LRRN4: variants seen among roughly 807,000 people sequenced by gnomAD.
LRRN4 encodes leucine rich repeat neuronal 4, also known as leucine-rich repeat neuronal protein 4.
A neutral mutation model predicts 22.3 loss-of-function variants in LRRN4; 26 were observed. That is an observed-to-expected ratio of 1.16 (90% confidence interval 0.85 to 1.62). The LOEUF is 1.62. LRRN4 is among the 40% of genes most tolerant of loss of function. The pLI, the probability that LRRN4 is intolerant of heterozygous loss-of-function variation, is 0.00. For synonymous variants in LRRN4, 496 were observed against 486.2 expected, an observed-to-expected ratio of 1.02 and a Z score of -0.26; for missense variants, 1,070 against 1,008.5, an observed-to-expected ratio of 1.06 and a Z score of -0.83.
intron 3 of LRRN4, 104 bp from the exon 4 acceptor site, chr20:6,044,784 CA>C: frequency 1.5e-5 from 16 of 1,050,724 alleles, no homozygotes; most frequent in Non-Finnish European, 1.9e-5. Flanking sequence ...GTATCAGAAG[CA>C]TTCTGATAGG....
chr20:6,041,166 C>G lies in LRRN4; in HGVS notation c.2079G>C (p.Leu693=), dbSNP rs2123048887. ...ACAGCACCACGGTGCTGGCGAGCAA[C>G]AGGCCGCTGGCGGCGCACAGCCCAG... The part of the protein sequence containing the change: ...LLSGLCAASG[L]LLASTVVLSA... Residue 693 remains leucine, a synonymous_variant, in exon 5 of 5, where the codon CTG becomes CTC. Coordinates refer to ENST00000378858, the MANE Select transcript of LRRN4 (RefSeq NM_152611.5). The surrounding 1 kb of genome is among the most constrained non-coding windows in gnomAD (Gnocchi z 9.4). 1.2e-6 allele frequency: 2 copies of G among 1,602,122 alleles called. No individual in the cohort carries two copies. The highest frequency in any genetic ancestry group is 4.5e-5 in the East Asian group (2 of 44,276).
chr20:6,051,052 A>G (rs1981232237), intron 2 of LRRN4, 69 bp from the exon 3 acceptor site: 2 of 1,377,478 alleles, frequency 1.5e-6, no homozygotes, highest in African/African-American at 2.8e-5. Flanking sequence ...CACGGCATGA[A>G]GGAAGAACGA....
In LRRN4 at chr20:6,041,055, A is replaced by T. The variant is rs536716771; in HGVS notation, c.2190T>A (p.Asp730Glu). ...HLVAYKNPAF[D>E]DYPLGLQTVS ...CGGTCTGGAGCCCCAGCGGGTAATC[A>T]TCAAAGGCCGGGTTTTTGTAGGCCA... Residue 730 changes from aspartate to glutamate, a missense_variant, in exon 5 of 5, where the codon GAT becomes GAA. Coordinates refer to ENST00000378858, the MANE Select transcript of LRRN4 (RefSeq NM_152611.5). The surrounding 1 kb of genome is among the most constrained non-coding windows in gnomAD (Gnocchi z 9.4). 3 of 1,614,016 alleles carry T rather than the reference A, an allele frequency of 1.9e-6. No homozygotes were observed. The African/African-American group carries it at 4.0e-5, about 22-fold the overall frequency.
Position 6,050,968 on chromosome 20 carries a change from A to G in LRRN4, c.671T>C (p.Ile224Thr). ...GGATGTGAGCTTCGGCAGGTCTCTG[A>G]TCCACCCTGACTCAACTGAAACACA... is the stretch of plus-strand genomic sequence containing the variant. ...TFLERVESGWIRDLPKLTSLY... is the reference protein window; with the variant it reads ...TFLERVESGWTRDLPKLTSLY... Residue 224 changes from isoleucine (I) to threonine (T), a missense_variant, in exon 3 of 5, where the codon ATC (isoleucine) becomes ACC (threonine). By Grantham distance (89) the Ile-to-Thr change is moderately conservative. Coordinates refer to ENST00000378858, the MANE Select transcript of LRRN4 (RefSeq NM_152611.5). 4 of 1,613,950 alleles carry G rather than the reference A, an allele frequency of 2.5e-6. No homozygotes were observed. The highest frequency in any genetic ancestry group is 3.4e-6 in the Non-Finnish European group (4 of 1,179,992).
At chr20:6,048,271 GTTC>G (rs1340111711) in intron 3 of LRRN4, among the ~76,000 whole-genome samples, 1 of 151,962 alleles carries the variant, frequency 6.6e-6, no homozygotes, top group Non-Finnish European at 1.5e-5. Flanking sequence ...TCCTTTCCTG[GTTC>G]TTCTTCATCC....
In LRRN4 at chr20:6,040,913, T is replaced by A; in HGVS notation, c.*109A>T. On this transcript the variant is annotated 3_prime_UTR_variant, in exon 5 of 5. Transcript: ENST00000378858. ...CATGTGTGCTCAAGGCATTCTGGCTTCACGGGAATTAGAAACCCTAGGAGC... is the reference window on the plus strand; with the variant it reads ...CATGTGTGCTCAAGGCATTCTGGCTACACGGGAATTAGAAACCCTAGGAGC... 6.8e-7 allele frequency: 1 copy of A among 1,466,882 alleles called. No homozygotes were observed. Among genetic ancestry groups the A allele is most frequent in the South Asian group, 1.3e-5 (1 of 75,158 alleles). 90.9% of individuals were successfully genotyped at this position (1,466,882 alleles called of 1,614,324 possible).
chr20:6,043,824 G>A (rs1275212185), intron 4 of LRRN4, among the ~76,000 whole-genome samples: 3 of 151,772 alleles, frequency 2.0e-5, no homozygotes, highest in East Asian at 2.0e-4. Context: ...TAGGATGATC[G>A]CTGAGCCCAG....
rs774131603 is a variant in LRRN4 at position 6,041,940 on chromosome 20, G to T, written c.1305C>A (p.Asn435Lys). ...AREGTAPSTTNSVAGHSNSSV... is the reference protein window; with the variant it reads ...AREGTAPSTTKSVAGHSNSSV... ...TGGAGTTGCTGTGACCTGCTACAGA[G>T]TTGGTCGTGGAGGGGGCAGTCCCCT... The change falls in exon 5 of 5, where the codon AAC becomes AAA. Residue 435 changes from asparagine to lysine, a missense_variant. Coordinates refer to ENST00000378858, the MANE Select transcript of LRRN4 (RefSeq NM_152611.5). The surrounding 1 kb of genome is among the most constrained non-coding windows in gnomAD (Gnocchi z 9.4). The T allele has an allele frequency of 1.9e-6, 3 of 1,614,080 alleles. No homozygotes were observed. The Admixed American group carries it at 5.0e-5, about 27-fold the overall frequency.
At chr20:6,047,726 G>T (rs1313304177) in intron 3 of LRRN4, among the ~76,000 whole-genome samples, 1 of 150,920 alleles carries the variant, frequency 6.6e-6, no homozygotes, top group Non-Finnish European at 1.5e-5. Flanking sequence ...GGGAGGTGAA[G>T]ATTGCAGTGA....
chr20:6,041,541 G>GCACCGC lies in LRRN4; in HGVS notation c.1698_1703dup (p.Trp566_Arg567dup), dbSNP rs752439845. The GCACCGC allele has an allele frequency of 2.9e-5, 45 of 1,551,020 alleles. No individual in the cohort carries two copies. Among genetic ancestry groups the GCACCGC allele is most frequent in the South Asian group, 1.7e-4 (14 of 80,590 alleles). ...CTTCCCCGCTGAGGCCGGGGCACCG[G>GCACCGC]CACCGCCACCGCCTCTGCAGCTCCG... is the stretch of plus-strand genomic sequence containing the variant. On this transcript the variant is annotated inframe_insertion, in exon 5 of 5. Coordinates refer to ENST00000378858, the MANE Select transcript of LRRN4 (RefSeq NM_152611.5). The surrounding 1 kb of genome is among the most constrained non-coding windows in gnomAD (Gnocchi z 9.4).
In LRRN4 at chr20:6,041,276, C is replaced by G; in HGVS notation, c.1969G>C (p.Ala657Pro). The change falls in exon 5 of 5, where the codon GCG (alanine) becomes CCG (proline). Residue 657 changes from alanine (A) to proline (P), a missense_variant. Ala to Pro is a conservative substitution (Grantham distance 27). Coordinates refer to ENST00000378858, the MANE Select transcript of LRRN4 (RefSeq NM_152611.5). This position sits in a 1 kb window ranked among gnomAD's most constrained non-coding sequence, Gnocchi z 9.4. ...YRVCVLAANR[A>P]GLSQPRSSGW... ...GAAGACCGTGGCTGGCTCAAGCCCG[C>G]CCTGTTGGCCGCCAGCACGCACACG... 1.3e-6 allele frequency: 2 copies of G among 1,591,078 alleles called. No homozygotes were observed. Among genetic ancestry groups the G allele is most frequent in the Non-Finnish European group, 1.7e-6 (2 of 1,171,520 alleles).
intron 1 of LRRN4, among the ~76,000 whole-genome samples, chr20:6,053,441 T>C (rs558727756): frequency 6.6e-6 from 1 of 152,212 alleles, no homozygotes; most frequent in African/African-American, 2.4e-5. Context: ...TGGTCCCATG[T>C]GGGTTCCAAC....
intron 2 of LRRN4, 24 bp from the exon 3 acceptor site, chr20:6,051,007 C>T (rs780805998): frequency 1.2e-6 from 2 of 1,607,410 alleles, no homozygotes; most frequent in African/African-American, 1.3e-5. Context: ...GGGAAACTGC[C>T]AACTACTCCA....
Position 6,050,870 on chromosome 20 carries a change from G to T in LRRN4, c.769C>A (p.Gln257Lys). The T allele has an allele frequency of 6.2e-7, 1 of 1,614,150 alleles. No individual in the cohort carries two copies. Among genetic ancestry groups the T allele is most frequent in the Non-Finnish European group, 8.5e-7 (1 of 1,180,006 alleles). ...GCTGGGGAGTCCTGACAGTCCAGCT[G>T]CTGCAGGTTGGGGGTCATCTTGAAA... ...DIFKMTPNLQ[Q>K]LDCQDSPALA... Residue 257 changes from glutamine (Q) to lysine (K), a missense_variant, in exon 3 of 5, where the codon CAG (glutamine) becomes AAG (lysine). By Grantham distance (53) the Gln-to-Lys change is moderately conservative. Coordinates refer to ENST00000378858, the MANE Select transcript of LRRN4 (RefSeq NM_152611.5).
chr20:6,049,537 G>C (rs1981195416), intron 3 of LRRN4, among the ~76,000 whole-genome samples: 1 of 151,822 alleles, frequency 6.6e-6, no homozygotes, highest in Non-Finnish European at 1.5e-5. Flanking sequence ...TTTCATTCTT[G>C]TTGCCCAGGC....
Position 6,040,646 on chromosome 20 carries a change from A to G in LRRN4, c.*376T>C, listed in dbSNP as rs1479891493. 1 of 188,844 alleles carries G rather than the reference A, an allele frequency of 5.3e-6. No homozygotes were observed. The highest frequency in any genetic ancestry group is 1.1e-5 in the Non-Finnish European group (1 of 91,420). The allele number at this position is 188,844 out of a possible 1,614,324, so 11.7% of individuals were successfully genotyped here. ...AAGACCTGAGGATGTGATTTCTAAC[A>G]TGATCAAAGAGGCTGGGTTATGCAA... is the stretch of plus-strand genomic sequence containing the variant. On this transcript the variant is annotated 3_prime_UTR_variant, in exon 5 of 5. Transcript: ENST00000378858.
rs149872329 is a variant in LRRN4 at position 6,041,457 on chromosome 20, C to T, written c.1788G>A (p.Ala596=). 638 of 1,555,442 alleles carry T rather than the reference C, an allele frequency of 4.1e-4. 2 individuals carry two copies. In the African/African-American group the frequency reaches 7.9e-3, roughly 19 times the overall value. The part of the protein sequence containing the change: ...QGVTETTDTS[A]LVHWCAPNSV... ...AGTTGGGGGCACACCAGTGGACCAG[C>T]GCCGACGTGTCCGTGGTCTCCGTCA... The change falls in exon 5 of 5, where the codon GCG becomes GCA. Residue 596 remains alanine (A), a synonymous_variant. Transcript: ENST00000378858. This position sits in a 1 kb window ranked among gnomAD's most constrained non-coding sequence, Gnocchi z 9.4.
intron 2 of LRRN4, 117 bp from the exon 3 acceptor site, chr20:6,051,100 C>A (rs955178548): frequency 4.7e-6 from 4 of 846,650 alleles, no homozygotes; most frequent in Non-Finnish European, 7.8e-6. Context: ...TCGCTGAGCA[C>A]GGGCACAGTT....
Position 6,041,079 on chromosome 20 carries a change from C to T in LRRN4, c.2166G>A (p.Val722=). 6.2e-7 allele frequency: 1 copy of T among 1,613,840 alleles called. No individual in the cohort carries two copies. The highest frequency in any genetic ancestry group is 8.5e-7 in the Non-Finnish European group (1 of 1,179,958). ...CATCAAAGGCCGGGTTTTTGTAGGC[C>T]ACCAGGTGCGTGTCGCAGCGCTGCA... The part of the protein sequence containing the change: ...LGLQRCDTHL[V]AYKNPAFDDY... The change falls in exon 5 of 5, where the codon GTG becomes GTA. Residue 722 remains valine, a synonymous_variant. Coordinates refer to ENST00000378858, the MANE Select transcript of LRRN4 (RefSeq NM_152611.5). The surrounding 1 kb of genome is among the most constrained non-coding windows in gnomAD (Gnocchi z 9.4).
Sources: allele counts gnomAD v4.1 joint callset (sites outside exome capture counted in the v4.1 genomes callset), GRCh38; gene constraint gnomAD v4.1.1; non-coding constraint Gnocchi (gnomAD v3.1); transcripts MANE v1.5; gene names NCBI Gene and HGNC (gene_info 2026-07-23, HGNC 2026-07-21).